The following FOXRED2 variants were observed in gnomAD, a reference collection of about 807,000 sequenced individuals.
FOXRED2 encodes the protein FAD dependent oxidoreductase domain containing 2.
A neutral mutation model predicts 52.5 loss-of-function variants in FOXRED2; 32 were observed. The observed-to-expected ratio is 0.61, with a 90% confidence interval of 0.46 to 0.82. FOXRED2 has a LOEUF of 0.82. Ranked by LOEUF, FOXRED2 falls within the 40% of genes least tolerant of loss-of-function variation. The pLI is 0.00. For synonymous variants in FOXRED2, 405 were observed against 398.1 expected, an observed-to-expected ratio of 1.02 and a Z score of -0.21; for missense variants, 848 against 937.5, an observed-to-expected ratio of 0.90 and a Z score of 1.25.
At chr22:36,498,988 G>A (rs1265562558) in intron 5 of FOXRED2, among the ~76,000 whole-genome samples, 1 of 152,148 alleles carries the variant, frequency 6.6e-6, no homozygotes, top group African/African-American at 2.4e-5. Flanking sequence ...AGGCTGGAGC[G>A]CAGTGGCACG....
intron 6 of FOXRED2, among the ~76,000 whole-genome samples, chr22:36,496,945 C>T (rs372473916): frequency 4.6e-5 from 7 of 152,156 alleles, no homozygotes; most frequent in African/African-American, 1.7e-4. Context: ...CTTTGGGAGA[C>T]CAAGGCGGGT....
intron 4 of FOXRED2, 75 bp from the exon 5 acceptor site, chr22:36,501,482 T>TG: frequency 1.3e-6 from 2 of 1,481,928 alleles, no homozygotes; most frequent in Non-Finnish European, 1.9e-6. Flanking sequence ...AGTTTTGAGA[T>TG]GGAGTTTCGC....
At chr22:36,504,879 T>C in intron 2 of FOXRED2, 113 bp from the exon 3 acceptor site, 1 of 1,058,188 alleles carries the variant, frequency 9.5e-7, no homozygotes, top group Non-Finnish European at 1.4e-6. Flanking sequence ...CGCCGGCCCC[T>C]AAAAGAAAAT....
intron 6 of FOXRED2, among the ~76,000 whole-genome samples, chr22:36,497,201 ATGG>A (rs1933923782): frequency 6.6e-6 from 1 of 150,914 alleles, no homozygotes; most frequent in South Asian, 2.1e-4. Context: ...TTAGCCAGGC[ATGG>A]TGGTGGGTGC....
chr22:36,501,354 C>G lies in FOXRED2; in HGVS notation c.1103G>C (p.Arg368Pro), dbSNP rs758632702. The G allele has an allele frequency of 3.1e-6, 5 of 1,613,958 alleles. No individual in the cohort carries two copies. In the Admixed American group the frequency reaches 8.3e-5, roughly 27 times the overall value. Residue 368 changes from arginine to proline, a missense_variant, in exon 5 of 9, where the codon CGA becomes CCA. Physicochemically the swap from Arg to Pro is moderately radical, Grantham distance 103. Coordinates refer to ENST00000397224, the MANE Select transcript of FOXRED2 (RefSeq NM_001102371.2). ...GCTTCCTTTGGATTCGTAGCTAGCT[C>G]GAATCAGCGGGTACTTCTTGCCGAA... ...NAFGKKYPLI[R>P]ASYESKGSRG...
At chr22:36,497,951 A>G in intron 6 of FOXRED2, 40 bp downstream of exon 6, 3 of 1,592,572 alleles carry the variant, frequency 1.9e-6, no homozygotes, top group Admixed American at 3.4e-5. Context: ...ACGTCGGGAA[A>G]GCTGGGCCGA....
At position 36,498,056 on chromosome 22, in the gene FOXRED2, G is replaced by A. The variant is rs750176817; in HGVS notation, c.1317C>T (p.Arg439=). The A allele has an allele frequency of 5.0e-6, 8 of 1,614,076 alleles. No homozygotes were observed. The highest frequency in any genetic ancestry group is 2.2e-5 in the South Asian group (2 of 91,074). ...GGTAGAGCCCAGAAGCCTCATTCAC[G>A]CGCCGCACGATGGAGCTGGTCAGCT... ...ITQLTSSIVR[R]VNEASGLYQM... is the part of the protein sequence containing the mutation. The change falls in exon 6 of 9, where the codon CGC becomes CGT. Residue 439 remains arginine (R), a synonymous_variant. Coordinates refer to ENST00000397224, the MANE Select transcript of FOXRED2 (RefSeq NM_001102371.2).
At chr22:36,490,379 G>T (rs1023950358) in intron 8 of FOXRED2, 112 bp from the exon 9 acceptor site, 1 of 1,245,442 alleles carries the variant, frequency 8.0e-7, no homozygotes, top group Non-Finnish European at 1.1e-6. Flanking sequence ...GCCTTGCCTG[G>T]TATCTTCCAT....
At chr22:36,494,865 C>T (rs1933853065) in intron 7 of FOXRED2, among the ~76,000 whole-genome samples, 1 of 152,046 alleles carries the variant, frequency 6.6e-6, no homozygotes. Flanking sequence ...TCTCGACCTC[C>T]TGACCTCGTG....
chr22:36,506,699 G>C (rs8136174), intron 1 of FOXRED2: 55,768 of 405,590 alleles, frequency 0.14, 4,910 homozygotes, highest in African/African-American at 0.31. Context: ...CTCCACCCTG[G>C]GGAAGGAGAG....
At chr22:36,505,212 G>GT (rs1934161121) in intron 2 of FOXRED2, among the ~76,000 whole-genome samples, 1 of 152,194 alleles carries the variant, frequency 6.6e-6, no homozygotes, top group Non-Finnish European at 1.5e-5. Flanking sequence ...TGTACTAAGT[G>GT]TATCTGTGCA....
At chr22:36,505,829 A>G in intron 2 of FOXRED2, 67 bp downstream of exon 2, 18 of 1,536,274 alleles carry the variant, frequency 1.2e-5, no homozygotes, top group South Asian at 6.9e-5. Flanking sequence ...CTACTGGCCA[A>G]TCAAGGTGTG....
Position 36,496,092 on chromosome 22 carries a change from C to T in FOXRED2, c.1499G>A (p.Gly500Asp). Residue 500 changes from glycine to aspartate, a missense_variant, in exon 7 of 9, where the codon GGC (glycine) becomes GAC (aspartate). Gly to Asp is a moderately conservative substitution (Grantham distance 94). Transcript: ENST00000397224. The stretch of plus-strand genomic sequence containing the variant: ...CTTGTCGGGGCCAGAGAAATTTCTG[C>T]CATATTCCATGTTGATGACGAAGAG... ...HGLFVINMEY[G>D]RNFSGPDKDV... 1.2e-6 allele frequency: 2 copies of T among 1,614,230 alleles called. No homozygotes were observed. The highest frequency in any genetic ancestry group is 1.1e-5 in the South Asian group (1 of 91,088).
In FOXRED2 at chr22:36,488,687, T is replaced by C. The variant is rs369353932; in HGVS notation, c.*1321A>G. ...ACCTCTGCCTCCCGGGTTTAAGTGA[T>C]TCTCCTGCCTCAGCCTCTCCAGTAG... On this transcript the variant is annotated 3_prime_UTR_variant, in exon 9 of 9. Transcript: ENST00000397224. 1 of 152,284 alleles carries C rather than the reference T, an allele frequency of 6.6e-6. No homozygotes were observed. The highest frequency in any genetic ancestry group is 1.5e-5 in the Non-Finnish European group (1 of 68,090). The allele number at this position is 152,284 out of a possible 1,614,324, so 9.4% of individuals were successfully genotyped here. A position where few individuals can be genotyped will look rare whatever the true frequency, so the allele number is the denominator to read the frequency against.
intron 4 of FOXRED2, 58 bp from the exon 5 acceptor site, chr22:36,501,465 TTTAG>T (rs1411079286): frequency 1.3e-6 from 2 of 1,556,108 alleles, no homozygotes; most frequent in South Asian, 1.1e-5. Flanking sequence ...CACTTATTTA[TTTAG>T]TTAGTTTTGA....
At chr22:36,499,910 T>A (rs1933999599) in intron 5 of FOXRED2, among the ~76,000 whole-genome samples, 1 of 152,172 alleles carries the variant, frequency 6.6e-6, no homozygotes, top group Non-Finnish European at 1.5e-5. Flanking sequence ...CAAGTGATTC[T>A]CTTGCCTCAG....
chr22:36,494,058 G>A (rs1000427), intron 7 of FOXRED2, among the ~76,000 whole-genome samples: 15,423 of 152,292 alleles, frequency 0.1, 835 homozygotes, highest in East Asian at 0.15. Flanking sequence ...AGCTAACAAC[G>A]TGAGGCTGGC....
At chr22:36,504,077 C>G (rs750513272) in intron 4 of FOXRED2, 21 bp downstream of exon 4, 1 of 1,607,888 alleles carries the variant, frequency 6.2e-7, no homozygotes, top group Non-Finnish European at 8.5e-7. Flanking sequence ...GAGAGCCCAC[C>G]TCCTTCCGCA....
chr22:36,500,511 T>C (rs1934014972), intron 5 of FOXRED2, among the ~76,000 whole-genome samples: 1 of 152,220 alleles, frequency 6.6e-6, no homozygotes, highest in African/African-American at 2.4e-5. Flanking sequence ...TTTGTAAACA[T>C]TCTCAAGTTG....
Sources: gnomAD v4.1 joint callset for allele counts (sites outside exome capture counted in the v4.1 genomes callset) on GRCh38, gnomAD v4.1.1 for gene constraint, MANE v1.5 for transcripts, NCBI Gene and HGNC (gene_info 2026-07-23, HGNC 2026-07-21) for gene names.